Variants in REPS2 observed in about 807,000 individuals in gnomAD.
REPS2 encodes the protein RALBP1 associated Eps domain containing 2.
In REPS2, 23 loss-of-function variants were observed where a neutral mutation model predicts 53.6. The observed-to-expected ratio is 0.43, with a 90% CI of 0.31 to 0.61. The LOEUF (loss-of-function observed/expected upper bound fraction) is 0.61, where lower values mean the gene tolerates loss of function less well. Among genes scored for constraint, REPS2 ranks in the 20% least tolerant of loss-of-function variants. The pLI, the probability that REPS2 is intolerant of heterozygous loss-of-function variation, is 0.11. For synonymous variants in REPS2, 238 were observed against 218.6 expected (o/e 1.09, Z -0.78); for missense variants, 446 against 534.9 (o/e 0.83, Z 1.64).
chrX:17,017,350 A>G (rs752323828), intron 2 of REPS2, among the ~76,000 whole-genome samples: 1 of 112,331 alleles, frequency 8.9e-6, no homozygotes, highest in South Asian at 3.6e-4. Context: ...GGTGATTATC[A>G]CAGACAAAAA....
chrX:17,025,698 G>C (rs1569133767), intron 4 of REPS2, among the ~76,000 whole-genome samples: 1 of 111,670 alleles, frequency 9.0e-6, no homozygotes, highest in Non-Finnish European at 1.9e-5. Context: ...TTTGCTGAGG[G>C]GTATGTAGCA....
At position 16,949,190 on chromosome X, in the gene REPS2, T is replaced by C. The variant is rs2060477152; in HGVS notation, c.273+2056T>C. ...AACAAACGTAGATGTTTTTACCCTT[T>C]CTCTGTTAAACAGGAACCTGTAAGT... is the stretch of plus-strand genomic sequence containing the variant. On this transcript the variant is annotated intron_variant, in intron 1 of 17. Transcript: ENST00000357277. 1.8e-5 allele frequency among the ~76,000 whole-genome samples: 2 copies of C among 111,021 alleles called. 1 individual carries two copies. The highest frequency in any genetic ancestry group is 7.6e-4 in the South Asian group (2 of 2,638).
chrX:17,030,926 GT>G (rs2061701438), intron 5 of REPS2, among the ~76,000 whole-genome samples: 1 of 112,111 alleles, frequency 8.9e-6, no homozygotes, highest in Non-Finnish European at 1.9e-5. Flanking sequence ...GAAACGTTGG[GT>G]GTAGTAAAAA....
rs190125790 is a variant in REPS2 at position 17,103,628 on chromosome X, G to T, written c.1517-90G>T. 1.0e-4 allele frequency: 83 copies of T among 830,645 alleles called. 1 individual carries two copies. The East Asian group carries it at 2.5e-3, about 25-fold the overall frequency. The allele number at this position is 830,645 out of a possible 1,213,427, so 68.5% of individuals were successfully genotyped here. A position where few individuals can be genotyped will look rare whatever the true frequency, so the allele number is the denominator to read the frequency against. On this transcript the variant is annotated intron_variant, in intron 13 of 17. Transcript: ENST00000357277. Reference sequence around the variant, plus strand: ...AAACTTAAAGATGTTAAATGCAAATGCCATTGCCATTCCAAGTTAACAAGC... The same window carrying T: ...AAACTTAAAGATGTTAAATGCAAATTCCATTGCCATTCCAAGTTAACAAGC...
intron 1 of REPS2, among the ~76,000 whole-genome samples, chrX:16,969,956 A>C (rs1475691179): frequency 8.9e-6 from 1 of 112,150 alleles, no homozygotes; most frequent in Non-Finnish European, 1.9e-5. Context: ...ATTTTTAACT[A>C]TATTGCTTTC....
chrX:16,991,889 C>T (rs969861795), intron 1 of REPS2, among the ~76,000 whole-genome samples: 8 of 111,413 alleles, frequency 7.2e-5, no homozygotes, highest in Non-Finnish European at 1.3e-4. Context: ...GGAGCTGATT[C>T]TCCCTCACAG....
At chrX:17,176,667 A>G in the REPS2 span, among the ~76,000 whole-genome samples, 1 of 112,023 alleles carries the variant, frequency 8.9e-6, no homozygotes, top group Non-Finnish European at 1.9e-5. Flanking sequence ...ATTACCTTCT[A>G]CCAAATTTCT....
chrX:17,086,853 A>T (rs1197828295), intron 13 of REPS2, among the ~76,000 whole-genome samples: 1 of 112,419 alleles, frequency 8.9e-6, no homozygotes, highest in Non-Finnish European at 1.9e-5. Flanking sequence ...AGTAATGGTG[A>T]CCAGAAAAGT....
the REPS2 span, among the ~76,000 whole-genome samples, chrX:17,170,074 T>A: frequency 8.9e-6 from 1 of 112,800 alleles, no homozygotes; most frequent in East Asian, 2.8e-4. Flanking sequence ...AAATAAACTT[T>A]TATCATGTTA....
intron 6 of REPS2, among the ~76,000 whole-genome samples, 170 bp from the exon 7 acceptor site, chrX:17,052,212 T>TTAA (rs2062012998): frequency 8.9e-6 from 1 of 112,590 alleles, no homozygotes; most frequent in African/African-American, 3.2e-5. Flanking sequence ...AAAAAGCTAT[T>TTAA]CATGTGTTGC....
At chrX:17,057,522 A>G (rs1413951822) in intron 8 of REPS2, among the ~76,000 whole-genome samples, 4 of 112,064 alleles carry the variant, frequency 3.6e-5, no homozygotes, top group African/African-American at 1.3e-4. Context: ...TAATTTCTGG[A>G]CTTGGATTTT....
At chrX:17,108,349 T>G (rs1330422014) in intron 14 of REPS2, among the ~76,000 whole-genome samples, 4 of 109,769 alleles carry the variant, frequency 3.6e-5, no homozygotes, top group African/African-American at 1.3e-4. Context: ...AATTCTGTAT[T>G]TTTAGTAGAG....
Position 17,124,362 on chromosome X carries a change from A to G in REPS2, c.1579-9462A>G, listed in dbSNP as rs1182723515. Among the ~76,000 whole-genome samples, 3 of 112,136 alleles carry G rather than the reference A, an allele frequency of 2.7e-5. No homozygotes were observed. In the East Asian group the frequency reaches 8.4e-4, roughly 31 times the overall value. On this transcript the variant is annotated intron_variant, in intron 14 of 17. Coordinates refer to ENST00000357277, the MANE Select transcript of REPS2 (RefSeq NM_004726.3). Reference sequence around the variant, plus strand: ...GACAGATCCTGCCCTCCAGGTGCTTACCATTCGTTTATCATGTTCTGTCTC... The same window carrying G: ...GACAGATCCTGCCCTCCAGGTGCTTGCCATTCGTTTATCATGTTCTGTCTC...
chrX:17,174,259 G>A, the REPS2 span, among the ~76,000 whole-genome samples: 1,529 of 111,825 alleles, frequency 0.014, 22 homozygotes, highest in African/African-American at 0.047. Flanking sequence ...TTGTCAAATA[G>A]GGTTAACAGC....
Position 17,099,957 on chromosome X carries a change from A to G in REPS2, c.1517-3761A>G. On this transcript the variant is annotated intron_variant, in intron 13 of 17. Coordinates refer to ENST00000357277, the MANE Select transcript of REPS2 (RefSeq NM_004726.3). ...TCCACTGGAGTCTGTAGCTCCAATA[A>G]TCTGCTCCGGCTCCAAACCCTGAGC... is the stretch of plus-strand genomic sequence containing the variant. The G allele has an allele frequency of 3.4e-6, 4 of 1,159,759 alleles. No homozygotes were observed. In the South Asian group the frequency reaches 7.2e-5, roughly 21 times the overall value.
intron 1 of REPS2, among the ~76,000 whole-genome samples, chrX:16,964,640 C>T (rs1397253290): frequency 2.2e-4 from 23 of 102,718 alleles, no homozygotes; most frequent in Non-Finnish European, 3.8e-4. Context: ...CCGGACGGGG[C>T]GGCTGGCCGG....
At chrX:17,105,067 T>TG (rs2062856161) in intron 14 of REPS2, among the ~76,000 whole-genome samples, 1 of 110,067 alleles carries the variant, frequency 9.1e-6, no homozygotes, top group African/African-American at 3.3e-5. Context: ...TTGAAGTATA[T>TG]GGGGGCTAAG....
At chrX:17,146,380 C>G (rs2063515527) in intron 17 of REPS2, among the ~76,000 whole-genome samples, 1 of 111,052 alleles carries the variant, frequency 9.0e-6, no homozygotes, top group Non-Finnish European at 1.9e-5. Flanking sequence ...ATATGGCTCA[C>G]TCCTCATTTC....
rs2147574051 is a variant in REPS2, at chrX:16,946,842, C to T, written c.-20C>T. ...ACCCCAGCTAGGGACAGGGCTCCGCCGCGCCCCCTTGCTGGCCCCATGGAG... is the reference window on the plus strand; with the variant it reads ...ACCCCAGCTAGGGACAGGGCTCCGCTGCGCCCCCTTGCTGGCCCCATGGAG... On this transcript the variant is annotated 5_prime_UTR_variant, in exon 1 of 18. Coordinates refer to ENST00000357277, the MANE Select transcript of REPS2 (RefSeq NM_004726.3). The T allele has an allele frequency of 2.7e-6, 2 of 753,985 alleles. No homozygotes were observed. The highest frequency in any genetic ancestry group is 1.3e-4 in the South Asian group (2 of 15,010). 62.1% of individuals were successfully genotyped at this position (753,985 alleles called of 1,213,427 possible).
Sources: gnomAD v4.1 joint callset for allele counts (sites outside exome capture counted in the v4.1 genomes callset) on GRCh38, gnomAD v4.1.1 for gene constraint, MANE v1.5 for transcripts, NCBI Gene and HGNC (gene_info 2026-07-23, HGNC 2026-07-21) for gene names.